The following RASSF8 variants were observed in gnomAD, a reference collection of about 807,000 sequenced individuals.
The protein encoded by RASSF8 is ras association domain-containing protein 8.
RASSF8 carries 22 observed loss-of-function variants against 48.5 expected under a neutral mutation model. The ratio of observed to expected loss-of-function variants is 0.45; its 90% CI spans 0.32 to 0.65. The LOEUF is 0.65. Ranked by LOEUF, RASSF8 falls within the 30% of genes least tolerant of loss-of-function variation. The pLI, the probability that RASSF8 is intolerant of heterozygous loss-of-function variation, is 0.03. For synonymous variants in RASSF8, 127 were observed against 171.5 expected (o/e 0.74, Z 2.03); for missense variants, 418 against 489.2 (o/e 0.85, Z 1.37).
At chr12:25,991,277 C>T (rs1428825459) in intron 1 of RASSF8, among the ~76,000 whole-genome samples, 1 of 151,894 alleles carries the variant, frequency 6.6e-6, no homozygotes, top group East Asian at 1.9e-4. Context: ...TGCTTTTGTT[C>T]AGTGTTTAGA....
intron 2 of RASSF8, among the ~76,000 whole-genome samples, chr12:26,016,613 A>G (rs573980499): frequency 6.7e-6 from 1 of 149,850 alleles, no homozygotes; most frequent in South Asian, 2.1e-4. Flanking sequence ...GTTTTTAGGT[A>G]ATTCTAACTA....
chr12:26,067,459 A>G, intron 4 of RASSF8, 110 bp from the exon 5 acceptor site: 3 of 1,162,320 alleles, frequency 2.6e-6, no homozygotes, highest in Non-Finnish European at 3.6e-6. Flanking sequence ...TGCTTTTATG[A>G]AAGCAGATGT....
intron 4 of RASSF8, among the ~76,000 whole-genome samples, chr12:26,065,815 G>A (rs921479767): frequency 2.6e-5 from 4 of 152,038 alleles, no homozygotes; most frequent in East Asian, 1.9e-4. Context: ...AACAGCCCCC[G>A]TCCCTTCTCC....
intron 2 of RASSF8, chr12:26,020,052 A>C (rs1942750499): frequency 1.3e-5 from 2 of 152,162 alleles, no homozygotes; most frequent in South Asian, 2.1e-4. Context: ...TTTTATGGCA[A>C]AATAGAGAAT....
At chr12:26,024,714 T>C (rs998016950) in intron 2 of RASSF8, among the ~76,000 whole-genome samples, 7 of 152,186 alleles carry the variant, frequency 4.6e-5, no homozygotes, top group Non-Finnish European at 1.0e-4. Flanking sequence ...ACCAGCACTT[T>C]GGGAGGCTGA....
chr12:25,984,600 C>G (rs990710111), intron 1 of RASSF8, among the ~76,000 whole-genome samples: 1 of 152,200 alleles, frequency 6.6e-6, no homozygotes, highest in East Asian at 1.9e-4. Flanking sequence ...CTTGGCCTCC[C>G]AAAGTGTTGG....
chr12:26,026,655 T>G (rs1400331673), intron 2 of RASSF8, among the ~76,000 whole-genome samples: 1 of 152,134 alleles, frequency 6.6e-6, no homozygotes, highest in African/African-American at 2.4e-5. Context: ...AGGCTGGTCT[T>G]GAACTCTTGA....
At chr12:25,984,495 G>A (rs1197146899) in intron 1 of RASSF8, among the ~76,000 whole-genome samples, 2 of 152,086 alleles carry the variant, frequency 1.3e-5, no homozygotes, top group East Asian at 1.9e-4. Context: ...GGCGCACACC[G>A]CTATGCCCAG....
intron 1 of RASSF8, among the ~76,000 whole-genome samples, chr12:25,978,563 T>C (rs1408216754): frequency 1.3e-5 from 2 of 152,228 alleles, no homozygotes; most frequent in Non-Finnish European, 2.9e-5. Context: ...ACTAGGTCCT[T>C]AGAGGCAGGA....
intron 2 of RASSF8, among the ~76,000 whole-genome samples, chr12:26,011,306 A>C (rs879480033): frequency 1.3e-5 from 2 of 152,212 alleles, no homozygotes; most frequent in Non-Finnish European, 2.9e-5. Context: ...GACTGTAGCC[A>C]GGATTGCATA....
chr12:26,004,283 G>A (rs773729913), intron 2 of RASSF8, among the ~76,000 whole-genome samples: 3 of 152,214 alleles, frequency 2.0e-5, no homozygotes, highest in Non-Finnish European at 4.4e-5. Flanking sequence ...CTCCTGAGCT[G>A]TTATTAATGA....
rs140735013 is a variant in RASSF8 at position 25,997,569 on chromosome 12, G to A, written c.-109+2439G>A. On this transcript the variant is annotated intron_variant, in intron 2 of 5. Coordinates refer to ENST00000689635, the MANE Select transcript of RASSF8 (RefSeq NM_001394098.1). ...CCTGTTTTTACGGGTTTACATAGGG[G>A]CATTTTTGAATAAAACTTGTAACGA... 3.8e-3 allele frequency among the ~76,000 whole-genome samples: 584 copies of A among 152,230 alleles called. 3 individuals are homozygous for A. The highest frequency in any genetic ancestry group is 0.014 in the African/African-American group (561 of 41,548).
intron 1 of RASSF8, among the ~76,000 whole-genome samples, chr12:25,990,928 G>C (rs928604916): frequency 5.9e-4 from 89 of 151,858 alleles, no homozygotes; most frequent in African/African-American, 2.0e-3. Flanking sequence ...CACACACACA[G>C]AAAACATTTT....
intron 3 of RASSF8, among the ~76,000 whole-genome samples, chr12:26,062,346 A>G (rs991447647): frequency 6.6e-6 from 1 of 152,210 alleles, no homozygotes; most frequent in Non-Finnish European, 1.5e-5. Context: ...AAGCTAATCT[A>G]TTGTGCTAAG....
At chr12:25,998,681 C>T (rs1223523563) in intron 2 of RASSF8, among the ~76,000 whole-genome samples, 1 of 152,008 alleles carries the variant, frequency 6.6e-6, no homozygotes, top group African/African-American at 2.4e-5. Context: ...TCTCTCTTGC[C>T]TTCTGCAAGA....
intron 1 of RASSF8, among the ~76,000 whole-genome samples, chr12:25,971,422 C>T (rs1427625071): frequency 6.6e-6 from 1 of 152,116 alleles, no homozygotes; most frequent in Admixed American, 6.5e-5. Flanking sequence ...AACATTGGGC[C>T]AAGTTCCCAC....
At chr12:26,025,973 G>A (rs751950459) in intron 2 of RASSF8, among the ~76,000 whole-genome samples, 10 of 151,998 alleles carry the variant, frequency 6.6e-5, no homozygotes, top group Non-Finnish European at 1.3e-4. Flanking sequence ...CTATATACAC[G>A]TATATAAAAA....
rs1378827011 is a variant in RASSF8, at chr12:26,071,050, C to G, written c.*2232C>G. 5 of 984,670 alleles carry G rather than the reference C, an allele frequency of 5.1e-6. No individual in the cohort carries two copies. The highest frequency in any genetic ancestry group is 4.8e-6 in the Non-Finnish European group (4 of 829,348). The allele number at this position is 984,670 out of a possible 1,614,324, so 61.0% of individuals were successfully genotyped here. A position where few individuals can be genotyped will look rare whatever the true frequency, so the allele number is the denominator to read the frequency against. ...CAAATAATCTTCATAGACCTAATTA[C>G]AGATTTAAAAAAATTTCCTAGGCGA... On this transcript the variant is annotated 3_prime_UTR_variant, in exon 6 of 6. Coordinates refer to ENST00000689635, the MANE Select transcript of RASSF8 (RefSeq NM_001394098.1).
chr12:25,986,942 GTTT>G, intron 1 of RASSF8, among the ~76,000 whole-genome samples: 1 of 145,430 alleles, frequency 6.9e-6, no homozygotes, highest in Non-Finnish European at 1.5e-5. Context: ...TTGTTTGTTT[GTTT>G]GTTTGTTTTG....
Sources: gnomAD v4.1 joint callset for allele counts (sites outside exome capture counted in the v4.1 genomes callset) on GRCh38, gnomAD v4.1.1 for gene constraint, MANE v1.5 for transcripts, NCBI Gene and HGNC (gene_info 2026-07-23, HGNC 2026-07-21) for gene names.